The following FOXP1 variants were observed in gnomAD, a reference collection of about 807,000 sequenced individuals.
FOXP1 encodes forkhead box protein P1.
Under a neutral mutation model 98.2 loss-of-function variants are expected in FOXP1, and 15 were observed. The observed-to-expected ratio is 0.15, with a 90% CI of 0.10 to 0.24. FOXP1 has a LOEUF of 0.24. FOXP1 is among the 10% of genes least tolerant of loss of function. FOXP1 has a pLI of 1.00. For synonymous variants in FOXP1, 371 were observed against 314.5 expected, an observed-to-expected ratio of 1.18 and a Z score of -1.90; for missense variants, 633 against 848.5, an observed-to-expected ratio of 0.75 and a Z score of 3.15.
rs568769599 is a variant in FOXP1, at chr3:71,454,635, TC to T, written c.-168+38790del. ...TTTTGACAAGATCTGCAGCTTGACC[TC>T]CATGCACCTCAAGGTATGAGGAGGA... On this transcript the variant is annotated intron_variant, in intron 3 of 20. Transcript: ENST00000649528. Among the ~76,000 whole-genome samples, 392 of 152,224 alleles carry T rather than the reference TC, an allele frequency of 2.6e-3. 2 individuals carry two copies. The highest frequency in any genetic ancestry group is 8.7e-3 in the African/African-American group (362 of 41,528).
At chr3:71,427,450 C>T (rs945643607) in intron 3 of FOXP1, among the ~76,000 whole-genome samples, 2 of 152,164 alleles carry the variant, frequency 1.3e-5, no homozygotes, top group Non-Finnish European at 2.9e-5. Context: ...GAAACCATGC[C>T]GCAGATGGAG....
At chr3:71,397,443 C>T (rs72957392) in intron 3 of FOXP1, among the ~76,000 whole-genome samples, 6,141 of 152,198 alleles carry the variant, frequency 0.04, 417 homozygotes, top group African/African-American at 0.14. Flanking sequence ...TTGCTGCCTG[C>T]GGTTCTTTGG....
At chr3:70,963,210 A>G (rs1254182868) in intron 20 of FOXP1, among the ~76,000 whole-genome samples, 1 of 152,222 alleles carries the variant, frequency 6.6e-6, no homozygotes, top group Non-Finnish European at 1.5e-5. Flanking sequence ...GAGTGGATGC[A>G]GAGTGGGTCC....
At chr3:71,184,047 G>C (rs1272720237) in intron 6 of FOXP1, among the ~76,000 whole-genome samples, 4 of 152,168 alleles carry the variant, frequency 2.6e-5, no homozygotes, top group Admixed American at 6.5e-5. Flanking sequence ...AGCTACTTGA[G>C]AGGCTGAGGC....
chr3:71,076,571 G>C (rs2053830412), intron 7 of FOXP1, among the ~76,000 whole-genome samples: 1 of 152,192 alleles, frequency 6.6e-6, no homozygotes, highest in South Asian at 2.1e-4. Context: ...ACATGAGTCA[G>C]AATACCAGAG....
intron 5 of FOXP1, among the ~76,000 whole-genome samples, chr3:71,256,383 G>C (rs1294086494): frequency 6.6e-6 from 1 of 151,954 alleles, no homozygotes; most frequent in Non-Finnish European, 1.5e-5. Context: ...TCAATTTTCT[G>C]TTTTCTTTTC....
intron 4 of FOXP1, among the ~76,000 whole-genome samples, chr3:71,310,835 C>T (rs2074628922): frequency 6.6e-6 from 1 of 152,304 alleles, no homozygotes; most frequent in Non-Finnish European, 1.5e-5. Context: ...TGGCTGCCTA[C>T]CAGGCCTAGG....
At chr3:71,582,655 C>T (rs745315262) in intron 1 of FOXP1, 6 of 985,272 alleles carry the variant, frequency 6.1e-6, no homozygotes, top group Non-Finnish European at 7.2e-6. Flanking sequence ...GAGAGAGATC[C>T]GGGCGCGGCG....
In FOXP1 at chr3:70,956,585, C is replaced by T. The variant is rs2031847818; in HGVS notation, c.*2662G>A. 1 of 230,466 alleles carries T rather than the reference C, an allele frequency of 4.3e-6. No homozygotes were observed. Among genetic ancestry groups the T allele is most frequent in the Non-Finnish European group, 8.6e-6 (1 of 116,354 alleles). The allele number at this position is 230,466 out of a possible 1,614,324, so 14.3% of individuals were successfully genotyped here. On this transcript the variant is annotated 3_prime_UTR_variant, in exon 21 of 21. Transcript: ENST00000649528. Reference sequence around the variant, plus strand: ...TGTTATCTTTACTCATGTCTAGCTACACATGCTGAGAATGAACTAATCTAC... The same window carrying T: ...TGTTATCTTTACTCATGTCTAGCTATACATGCTGAGAATGAACTAATCTAC...
intron 3 of FOXP1, among the ~76,000 whole-genome samples, chr3:71,379,765 T>C (rs1319234367): frequency 6.6e-6 from 1 of 152,248 alleles, no homozygotes; most frequent in African/African-American, 2.4e-5. Flanking sequence ...GTGGTGGAAC[T>C]GAGTGGTTGC....
chr3:71,576,595 GTTACT>G (rs911304128), intron 2 of FOXP1, among the ~76,000 whole-genome samples: 1 of 152,138 alleles, frequency 6.6e-6, no homozygotes, highest in African/African-American at 2.4e-5. Flanking sequence ...TTACGATTTA[GTTACT>G]TTAAGTACTC....
chr3:71,007,432 A>T lies in FOXP1; in HGVS notation c.975-6373T>A, dbSNP rs534146060. Among the ~76,000 whole-genome samples, 3 of 152,328 alleles carry T rather than the reference A, an allele frequency of 2.0e-5. No homozygotes were observed. In the South Asian group the frequency reaches 6.2e-4, roughly 32 times the overall value. The stretch of plus-strand genomic sequence containing the variant: ...GCCGAGAGCCACAAATGGGTTTGAA[A>T]CAATTTATGATATCCGGCCTCCTTC... On this transcript the variant is annotated intron_variant, in intron 12 of 20. Transcript: ENST00000649528.
intron 10 of FOXP1, among the ~76,000 whole-genome samples, chr3:71,043,952 T>G (rs2048686185): frequency 6.6e-6 from 1 of 152,190 alleles, no homozygotes; most frequent in Non-Finnish European, 1.5e-5. Flanking sequence ...ATAAAAATAG[T>G]AACTCATTAA....
At chr3:71,262,012 A>C (rs1475432733) in intron 5 of FOXP1, among the ~76,000 whole-genome samples, 13 of 152,108 alleles carry the variant, frequency 8.5e-5, no homozygotes, top group Admixed American at 6.6e-5. Flanking sequence ...TCACGCCTGT[A>C]ATCCTAGCAT....
intron 11 of FOXP1, among the ~76,000 whole-genome samples, chr3:71,037,284 T>TA (rs2047719705): frequency 6.6e-6 from 1 of 152,202 alleles, no homozygotes; most frequent in Non-Finnish European, 1.5e-5. Flanking sequence ...TAAGTAGTAA[T>TA]TGCTATTAGT....
At chr3:71,487,705 G>A (rs555376105) in intron 3 of FOXP1, among the ~76,000 whole-genome samples, 2 of 152,202 alleles carry the variant, frequency 1.3e-5, no homozygotes, top group African/African-American at 2.4e-5. Flanking sequence ...TTGATGTTTT[G>A]TGTAGGTATC....
chr3:71,181,195 G>A (rs1295264616), intron 6 of FOXP1, among the ~76,000 whole-genome samples: 5 of 152,138 alleles, frequency 3.3e-5, no homozygotes. Context: ...TTAATATAAA[G>A]CGGATGAGGT....
chr3:71,102,559 C>T (rs1241336640), intron 7 of FOXP1, among the ~76,000 whole-genome samples: 1 of 152,222 alleles, frequency 6.6e-6, no homozygotes, highest in Non-Finnish European at 1.5e-5. Context: ...TAGACAATTA[C>T]TTGCAGAGCT....
intron 3 of FOXP1, among the ~76,000 whole-genome samples, chr3:71,371,061 G>A (rs1404204784): frequency 6.6e-6 from 1 of 152,000 alleles, no homozygotes. Context: ...AGGATTACAG[G>A]CGTGAACCAC....
Sources: gnomAD v4.1 joint callset for allele counts (sites outside exome capture counted in the v4.1 genomes callset) on GRCh38, gnomAD v4.1.1 for gene constraint, MANE v1.5 for transcripts, NCBI Gene and HGNC (gene_info 2026-07-23, HGNC 2026-07-21) for gene names.